The following UST variants were observed in gnomAD, a reference collection of about 807,000 sequenced individuals.
UST encodes chondroitin sulfate 2-O-sulfotransferase.
UST carries 21 observed loss-of-function variants against 45.6 expected under a neutral mutation model. The observed-to-expected ratio is 0.46, with a 90% confidence interval of 0.33 to 0.66. The LOEUF (loss-of-function observed/expected upper bound fraction) is 0.66. UST is among the 30% of genes least tolerant of loss of function. The pLI, the probability that UST is intolerant of heterozygous loss-of-function variation, is 0.02. For synonymous variants in UST, 215 were observed against 200.6 expected (o/e 1.07, Z -0.61); for missense variants, 463 against 512.4 (o/e 0.90, Z 0.93).
intron 2 of UST, among the ~76,000 whole-genome samples, chr6:148,904,709 A>T (rs1237576955): frequency 3.3e-5 from 5 of 152,084 alleles, no homozygotes; most frequent in Admixed American, 6.6e-5. Flanking sequence ...TTTTTAGTAG[A>T]GACTGAGTTT....
At chr6:149,058,225 C>T (rs534346550) in intron 7 of UST, among the ~76,000 whole-genome samples, 1 of 152,214 alleles carries the variant, frequency 6.6e-6, no homozygotes, top group South Asian at 2.1e-4. Context: ...GTGGTCATAT[C>T]ACCATCTGTG....
chr6:148,929,713 G>A (rs771409281), intron 2 of UST, among the ~76,000 whole-genome samples: 13 of 152,144 alleles, frequency 8.5e-5, no homozygotes, highest in African/African-American at 1.9e-4. Flanking sequence ...AAGCATCCTC[G>A]TATTGATACA....
chr6:148,924,766 C>T (rs1455140513), intron 2 of UST, among the ~76,000 whole-genome samples: 1 of 152,110 alleles, frequency 6.6e-6, no homozygotes, highest in Non-Finnish European at 1.5e-5. Flanking sequence ...AGACCCCAAC[C>T]CAATAGCTCT....
At chr6:148,821,944 T>G (rs1169612183) in intron 1 of UST, among the ~76,000 whole-genome samples, 1 of 152,232 alleles carries the variant, frequency 6.6e-6, no homozygotes, top group Non-Finnish European at 1.5e-5. Flanking sequence ...AACTTGTGTC[T>G]TGTGTTCTTT....
intron 1 of UST, among the ~76,000 whole-genome samples, chr6:148,764,774 G>A (rs1451785002): frequency 1.3e-5 from 2 of 152,168 alleles, no homozygotes; most frequent in East Asian, 1.9e-4. Flanking sequence ...AAGGCAGAAG[G>A]TCAGGGCGAA....
At chr6:148,825,374 G>A (rs1471051190) in intron 1 of UST, among the ~76,000 whole-genome samples, 2 of 152,196 alleles carry the variant, frequency 1.3e-5, no homozygotes, top group Non-Finnish European at 2.9e-5. Flanking sequence ...CCCCTTTGGA[G>A]GAGCACATTG....
intron 3 of UST, among the ~76,000 whole-genome samples, chr6:148,948,908 C>T (rs1395940410): frequency 2.0e-5 from 3 of 152,078 alleles, no homozygotes; most frequent in Non-Finnish European, 4.4e-5. Context: ...GATTTCAATC[C>T]TGGCTTTACC....
At chr6:148,752,170 ATG>A (rs1367956787) in intron 1 of UST, among the ~76,000 whole-genome samples, 1 of 152,224 alleles carries the variant, frequency 6.6e-6, no homozygotes, top group Non-Finnish European at 1.5e-5. Flanking sequence ...AAAGTATGTC[ATG>A]TTATTGAATT....
intron 2 of UST, among the ~76,000 whole-genome samples, chr6:148,907,334 A>G (rs900777761): frequency 1.4e-4 from 21 of 152,250 alleles, no homozygotes; most frequent in Middle Eastern, 3.2e-3. Flanking sequence ...ATTATATCCT[A>G]CAAGGAAATA....
intron 1 of UST, among the ~76,000 whole-genome samples, chr6:148,858,902 T>G (rs1012987457): frequency 2.0e-5 from 3 of 152,234 alleles, no homozygotes; most frequent in African/African-American, 7.2e-5. Context: ...CTATCATTGA[T>G]GGACATTTGG....
At chr6:149,043,519 C>T (rs1215847352) in intron 7 of UST, among the ~76,000 whole-genome samples, 4 of 152,266 alleles carry the variant, frequency 2.6e-5, no homozygotes, top group Non-Finnish European at 5.9e-5. Flanking sequence ...GTGAGCATTC[C>T]AGTCTGTGTG....
intron 1 of UST, among the ~76,000 whole-genome samples, chr6:148,757,191 A>G (rs1442426003): frequency 6.6e-6 from 1 of 152,232 alleles, no homozygotes; most frequent in Non-Finnish European, 1.5e-5. Flanking sequence ...GTGCACAGAG[A>G]TAACTGTCCA....
intron 1 of UST, among the ~76,000 whole-genome samples, chr6:148,799,676 T>C (rs553141511): frequency 2.0e-5 from 3 of 152,322 alleles, no homozygotes; most frequent in African/African-American, 7.2e-5. Context: ...TTTCTCTTTT[T>C]TTCTTGCCAA....
chr6:149,032,259 C>T (rs147943437), intron 7 of UST, among the ~76,000 whole-genome samples: 23 of 152,292 alleles, frequency 1.5e-4, no homozygotes, highest in Non-Finnish European at 2.6e-4. Context: ...ACCACCCAAG[C>T]TCCCTGGCTT....
intron 2 of UST, among the ~76,000 whole-genome samples, chr6:148,896,986 C>T (rs1469402154): frequency 6.6e-6 from 1 of 152,126 alleles, no homozygotes; most frequent in Non-Finnish European, 1.5e-5. Context: ...CTGGAATGCA[C>T]TTAGCATGAT....
chr6:148,833,675 G>A (rs983291326), intron 1 of UST, among the ~76,000 whole-genome samples: 4 of 152,170 alleles, frequency 2.6e-5, no homozygotes, highest in African/African-American at 9.7e-5. Flanking sequence ...TAGTTTTGCT[G>A]GAAATAGTGT....
At chr6:148,861,803 C>T (rs543124211) in intron 1 of UST, among the ~76,000 whole-genome samples, 19 of 152,272 alleles carry the variant, frequency 1.2e-4, no homozygotes, top group South Asian at 1.0e-3. Context: ...TGTAGTTGAG[C>T]GGTATTGCGG....
chr6:149,058,447 G>A (rs1358911251), intron 7 of UST, among the ~76,000 whole-genome samples: 1 of 151,654 alleles, frequency 6.6e-6, no homozygotes, highest in Non-Finnish European at 1.5e-5. Context: ...CCCTAGGCCT[G>A]CAAATGCCAC....
intron 3 of UST, among the ~76,000 whole-genome samples, chr6:148,950,054 T>C (rs575642383): frequency 6.6e-6 from 1 of 152,218 alleles, no homozygotes; most frequent in Non-Finnish European, 1.5e-5. Context: ...TCCCTTCCAT[T>C]GGCAGGTAGT....
Sources: allele counts gnomAD v4.1 joint callset (sites outside exome capture counted in the v4.1 genomes callset), GRCh38; gene constraint gnomAD v4.1.1; transcripts MANE v1.5; gene names NCBI Gene and HGNC (gene_info 2026-07-23, HGNC 2026-07-21).